Variants in SORCS3 observed in about 807,000 individuals in gnomAD.
SORCS3 encodes sortilin related VPS10 domain containing receptor 3, also known as VPS10 domain-containing receptor SorCS3.
In SORCS3, 57 loss-of-function variants were observed where a neutral mutation model predicts 146.3. The ratio of observed to expected loss-of-function variants is 0.39; its 90% confidence interval spans 0.31 to 0.49. The LOEUF is 0.49. SORCS3 is among the 20% of genes least tolerant of loss of function. The probability of loss-of-function intolerance (pLI) is 0.92; values close to 1 mark genes in which losing one functional copy is unlikely to be tolerated. For synonymous variants in SORCS3, 653 were observed against 618.5 expected, an observed-to-expected ratio of 1.06 and a Z score of -0.83; for missense variants, 1,341 against 1,575.5, an observed-to-expected ratio of 0.85 and a Z score of 2.52.
At chr10:105,199,158 C>T (rs890828629) in intron 14 of SORCS3, among the ~76,000 whole-genome samples, 1 of 152,006 alleles carries the variant, frequency 6.6e-6, no homozygotes, top group Non-Finnish European at 1.5e-5. Flanking sequence ...CTCCCCTTTA[C>T]ATCACTATGA....
At chr10:104,714,643 CTTG>C (rs1192761422) in intron 1 of SORCS3, among the ~76,000 whole-genome samples, 3 of 152,110 alleles carry the variant, frequency 2.0e-5, no homozygotes, top group Non-Finnish European at 2.9e-5. Flanking sequence ...TTCTTTTAAA[CTTG>C]TTAAGATGTA....
chr10:105,126,993 C>A (rs2133769393), intron 7 of SORCS3, among the ~76,000 whole-genome samples: 1 of 152,228 alleles, frequency 6.6e-6, no homozygotes, highest in South Asian at 2.1e-4. Context: ...AGCTCCATGA[C>A]CCATGGTACT....
intron 5 of SORCS3, among the ~76,000 whole-genome samples, chr10:105,045,037 A>AGAAAG (rs1554871950): frequency 7.8e-6 from 1 of 128,760 alleles, no homozygotes; most frequent in Non-Finnish European, 1.7e-5. Flanking sequence ...AAAAAAAAAA[A>AGAAAG]AAAAGAAAGA....
intron 1 of SORCS3, among the ~76,000 whole-genome samples, chr10:104,797,206 C>T (rs2451462): frequency 0.26 from 38,844 of 152,080 alleles, 5,186 homozygotes; most frequent in Admixed American, 0.32. Flanking sequence ...AGAATATTTG[C>T]AGTTTTAAAA....
intron 8 of SORCS3, among the ~76,000 whole-genome samples, chr10:105,147,368 T>G (rs2056138423): frequency 6.6e-6 from 1 of 152,122 alleles, no homozygotes; most frequent in Admixed American, 6.6e-5. Flanking sequence ...TGAAAGTAGA[T>G]GAATCCTTGA....
intron 6 of SORCS3, among the ~76,000 whole-genome samples, chr10:105,103,788 G>A (rs1589634315): frequency 6.6e-6 from 1 of 152,148 alleles, no homozygotes; most frequent in African/African-American, 2.4e-5. Context: ...TCAAGAAATA[G>A]TTATATACAG....
intron 1 of SORCS3, among the ~76,000 whole-genome samples, chr10:104,673,948 C>G (rs2015885549): frequency 6.6e-6 from 1 of 152,112 alleles, no homozygotes; most frequent in African/African-American, 2.4e-5. Flanking sequence ...ACATCATGTG[C>G]CCAAAAATGT....
intron 7 of SORCS3, among the ~76,000 whole-genome samples, chr10:105,121,838 C>T (rs982800205): frequency 2.6e-5 from 4 of 152,184 alleles, no homozygotes; most frequent in Non-Finnish European, 4.4e-5. Context: ...TGGGTGGCAG[C>T]GTGGAGAATC....
rs145706728 is a variant in SORCS3 at position 105,259,416 on chromosome 10, TTGAG to T, written c.3443+2494_3443+2497del. The stretch of plus-strand genomic sequence containing the variant: ...CATTCATTCATCCTACAAACATTTA[TTGAG>T]TACTTCCTGTGTTCCAGGCACTGGA... On this transcript the variant is annotated intron_variant, in intron 25 of 26. Coordinates refer to ENST00000369701, the MANE Select transcript of SORCS3 (RefSeq NM_014978.3). Among the ~76,000 whole-genome samples, 561 of 152,290 alleles carry T rather than the reference TTGAG, an allele frequency of 3.7e-3. 4 individuals carry two copies. Among genetic ancestry groups the T allele is most frequent in the African/African-American group, 0.013 (532 of 41,582 alleles).
At chr10:105,081,206 C>T (rs2055622914) in intron 5 of SORCS3, among the ~76,000 whole-genome samples, 3 of 152,086 alleles carry the variant, frequency 2.0e-5, no homozygotes, top group Admixed American at 2.0e-4. Flanking sequence ...CAGTATTTTA[C>T]CCTTAATATT....
chr10:104,708,428 T>C (rs975766157), intron 1 of SORCS3, among the ~76,000 whole-genome samples: 1 of 152,170 alleles, frequency 6.6e-6, no homozygotes, highest in African/African-American at 2.4e-5. Context: ...AGACCCAGAC[T>C]AGCAAGGTAA....
At chr10:105,049,968 G>A (rs1463733895) in intron 5 of SORCS3, among the ~76,000 whole-genome samples, 21 of 151,638 alleles carry the variant, frequency 1.4e-4, no homozygotes. Flanking sequence ...AGTAAAAGTT[G>A]ACATTAAAAA....
At chr10:104,997,067 G>C (rs1327478308) in intron 4 of SORCS3, among the ~76,000 whole-genome samples, 1 of 152,176 alleles carries the variant, frequency 6.6e-6, no homozygotes, top group Non-Finnish European at 1.5e-5. Flanking sequence ...GGTGGAGAAA[G>C]GGGGCTATAG....
At chr10:105,087,112 G>A (rs1310307113) in intron 5 of SORCS3, among the ~76,000 whole-genome samples, 2 of 152,190 alleles carry the variant, frequency 1.3e-5, no homozygotes, top group East Asian at 3.8e-4. Flanking sequence ...TGTATAAGGT[G>A]TAAGGAAGGG....
chr10:104,774,780 G>A lies in SORCS3; in HGVS notation c.628-68012G>A, dbSNP rs1485351567. Among the ~76,000 whole-genome samples the A allele has an allele frequency of 2.0e-5, 3 of 152,282 alleles. No homozygotes were observed. In the East Asian group the frequency reaches 5.8e-4, roughly 29 times the overall value. Reference sequence around the variant, plus strand: ...AAACTTGACGTGCAAACTTGACCAAGTCATTTTCCATCTGCACCTTAGTTT... The same window carrying A: ...AAACTTGACGTGCAAACTTGACCAAATCATTTTCCATCTGCACCTTAGTTT... On this transcript the variant is annotated intron_variant, in intron 1 of 26. Coordinates refer to ENST00000369701, the MANE Select transcript of SORCS3 (RefSeq NM_014978.3).
intron 1 of SORCS3, among the ~76,000 whole-genome samples, chr10:104,818,456 G>A (rs541428024): frequency 6.7e-6 from 1 of 149,490 alleles, no homozygotes; most frequent in East Asian, 2.0e-4. Flanking sequence ...ATCTTAAGAG[G>A]TGGGGAGGGC....
intron 1 of SORCS3, among the ~76,000 whole-genome samples, chr10:104,840,284 C>T (rs2018123098): frequency 6.6e-6 from 1 of 152,216 alleles, no homozygotes; most frequent in South Asian, 2.1e-4. Flanking sequence ...GCTCATGATG[C>T]TTCCTCCATG....
At chr10:105,188,600 A>G (rs1433389827) in intron 14 of SORCS3, among the ~76,000 whole-genome samples, 1 of 152,240 alleles carries the variant, frequency 6.6e-6, no homozygotes, top group Non-Finnish European at 1.5e-5. Flanking sequence ...ATAAAATTTC[A>G]GGAAATTGCT....
chr10:104,975,824 T>G (rs1285846147), intron 3 of SORCS3, among the ~76,000 whole-genome samples: 1 of 152,172 alleles, frequency 6.6e-6, no homozygotes, highest in Admixed American at 6.5e-5. Flanking sequence ...GATTCCCTAT[T>G]TAATAAATGG....
Sources: allele counts gnomAD v4.1 joint callset (sites outside exome capture counted in the v4.1 genomes callset), GRCh38; gene constraint gnomAD v4.1.1; transcripts MANE v1.5; gene names NCBI Gene and HGNC (gene_info 2026-07-23, HGNC 2026-07-21).